Variants in TACR3 observed in about 807,000 individuals in gnomAD.
TACR3 encodes the protein neuromedin-K receptor.
A neutral mutation model predicts 35.0 loss-of-function variants in TACR3; 34 were observed. The observed-to-expected ratio is 0.97, with a 90% CI of 0.74 to 1.30. The LOEUF is 1.30. TACR3 is among the 50% of genes most tolerant of loss of function. TACR3 has a pLI of 0.00. For synonymous variants in TACR3, 233 were observed against 221.1 expected (o/e 1.05, Z -0.48); for missense variants, 558 against 591.7 (o/e 0.94, Z 0.59).
chr4:103,666,452 G>A (rs941553474), intron 1 of TACR3, among the ~76,000 whole-genome samples: 1 of 151,856 alleles, frequency 6.6e-6, no homozygotes. Context: ...TAGAGATTTA[G>A]GTATTAAACA....
chr4:103,708,958 AAAG>A (rs1365257914), intron 1 of TACR3, among the ~76,000 whole-genome samples: 5 of 152,200 alleles, frequency 3.3e-5, no homozygotes, highest in Non-Finnish European at 7.3e-5. Flanking sequence ...TTTAGAGAAA[AAAG>A]AATAAAAAGA....
intron 1 of TACR3, among the ~76,000 whole-genome samples, chr4:103,695,339 A>G (rs1722498523): frequency 6.6e-6 from 1 of 152,144 alleles, no homozygotes; most frequent in Non-Finnish European, 1.5e-5. Flanking sequence ...ACCCTTTGCT[A>G]TCCCTTAGAC....
chr4:103,711,409 T>C (rs549192494), intron 1 of TACR3, among the ~76,000 whole-genome samples: 4 of 152,162 alleles, frequency 2.6e-5, no homozygotes, highest in Admixed American at 6.5e-5. Flanking sequence ...GTTATCTCAA[T>C]AGATGAAGAA....
intron 1 of TACR3, among the ~76,000 whole-genome samples, chr4:103,674,303 T>C (rs974370422): frequency 6.6e-6 from 1 of 151,148 alleles, no homozygotes; most frequent in Non-Finnish European, 1.5e-5. Context: ...TCCAGTGCTA[T>C]TATGTTTTTC....
chr4:103,636,550 A>C (rs1178097757), intron 3 of TACR3, among the ~76,000 whole-genome samples: 1 of 152,090 alleles, frequency 6.6e-6, no homozygotes, highest in Non-Finnish European at 1.5e-5. Flanking sequence ...CTGGTAACAC[A>C]TTCAAAAGCT....
At chr4:103,622,569 A>AAAAT (rs1724807156) in intron 3 of TACR3, among the ~76,000 whole-genome samples, 1 of 152,154 alleles carries the variant, frequency 6.6e-6, no homozygotes, top group African/African-American at 2.4e-5. Flanking sequence ...GTCTCTACTA[A>AAAAT]AAATACAAAA....
At chr4:103,645,897 T>C (rs902879557) in intron 3 of TACR3, among the ~76,000 whole-genome samples, 1 of 151,912 alleles carries the variant, frequency 6.6e-6, no homozygotes, top group Non-Finnish European at 1.5e-5. Context: ...TACTCCTAGA[T>C]AGGGCAAGAA....
intron 1 of TACR3, among the ~76,000 whole-genome samples, chr4:103,680,953 T>C (rs1722062978): frequency 6.6e-6 from 1 of 151,922 alleles, no homozygotes; most frequent in African/African-American, 2.4e-5. Context: ...TTTATTTCTG[T>C]TAAGTTATTT....
At chr4:103,604,985 C>A (rs894465034) in intron 3 of TACR3, among the ~76,000 whole-genome samples, 2 of 128,444 alleles carry the variant, frequency 1.6e-5, no homozygotes, top group African/African-American at 5.9e-5. Context: ...CCCCCCTCCC[C>A]CCACCCCACA....
intron 3 of TACR3, among the ~76,000 whole-genome samples, chr4:103,606,747 T>C (rs1425702743): frequency 8.5e-5 from 13 of 152,134 alleles, no homozygotes; most frequent in African/African-American, 2.7e-4. Context: ...TTTCTAGATA[T>C]ACAATCATGT....
In TACR3 at chr4:103,657,408, T is replaced by C. The variant is rs144790262; in HGVS notation, c.737+807A>G. Among the ~76,000 whole-genome samples, 235 of 152,172 alleles carry C rather than the reference T, an allele frequency of 1.5e-3. 2 individuals are homozygous for C. Among genetic ancestry groups the C allele is most frequent in the African/African-American group, 5.4e-3 (224 of 41,558 alleles). ...AATATGAATAGGGTACTCAGTTTAATATGAGCTGTCTGATTTTCCTTAAAT... is the reference window on the plus strand; with the variant it reads ...AATATGAATAGGGTACTCAGTTTAACATGAGCTGTCTGATTTTCCTTAAAT... On this transcript the variant is annotated intron_variant, in intron 2 of 4. Transcript: ENST00000304883.
chr4:103,595,447 C>T (rs1240205004), intron 3 of TACR3, among the ~76,000 whole-genome samples: 3 of 152,104 alleles, frequency 2.0e-5, no homozygotes, highest in Admixed American at 2.0e-4. Context: ...AAGAATCTAA[C>T]TACGTAGGCA....
intron 3 of TACR3, among the ~76,000 whole-genome samples, chr4:103,598,397 G>C (rs1724095449): frequency 6.6e-6 from 1 of 152,178 alleles, no homozygotes; most frequent in African/African-American, 2.4e-5. Flanking sequence ...CTCCCATTCT[G>C]TAGGTTGCCT....
chr4:103,697,418 ATTTAT>A (rs965942660), intron 1 of TACR3, among the ~76,000 whole-genome samples: 4 of 149,874 alleles, frequency 2.7e-5, no homozygotes, highest in Non-Finnish European at 5.9e-5. Flanking sequence ...TTATTTATTT[ATTTAT>A]TTATTTATTT....
chr4:103,639,342 C>CA (rs1725290130), intron 3 of TACR3, among the ~76,000 whole-genome samples: 3 of 151,642 alleles, frequency 2.0e-5, no homozygotes, highest in East Asian at 2.0e-4. Context: ...ATCGCCAGGA[C>CA]AAAAAACCAA....
intron 1 of TACR3, among the ~76,000 whole-genome samples, chr4:103,692,254 GAAGAA>G (rs1210858514): frequency 2.0e-5 from 3 of 152,042 alleles, no homozygotes; most frequent in Non-Finnish European, 4.4e-5. Context: ...ACACTAATCA[GAAGAA>G]AAGATTTGCT....
At chr4:103,714,395 C>T (rs12643443) in intron 1 of TACR3, among the ~76,000 whole-genome samples, 17,713 of 151,954 alleles carry the variant, frequency 0.12, 1,341 homozygotes, top group East Asian at 0.37. Flanking sequence ...AGAATTGGCA[C>T]TATAATTTTA....
intron 3 of TACR3, among the ~76,000 whole-genome samples, chr4:103,633,772 A>C (rs1185881313): frequency 1.3e-5 from 2 of 152,156 alleles, no homozygotes; most frequent in African/African-American, 4.8e-5. Context: ...CGTTTAAAAA[A>C]TAGCCAGGTG....
At chr4:103,689,374 C>T (rs891854523) in intron 1 of TACR3, among the ~76,000 whole-genome samples, 24 of 151,830 alleles carry the variant, frequency 1.6e-4, no homozygotes, top group African/African-American at 5.3e-4. Flanking sequence ...ACATTGTGCA[C>T]ATGTACCCTA....
Sources: gnomAD v4.1 joint callset for allele counts (sites outside exome capture counted in the v4.1 genomes callset) on GRCh38, gnomAD v4.1.1 for gene constraint, MANE v1.5 for transcripts, NCBI Gene and HGNC (gene_info 2026-07-23, HGNC 2026-07-21) for gene names.